FRMD6: variants seen among roughly 807,000 people sequenced by gnomAD.
FRMD6 encodes the protein FERM domain-containing protein 6.
Under a neutral mutation model 73.2 loss-of-function variants are expected in FRMD6, and 37 were observed. That is an observed-to-expected ratio of 0.51 (90% CI 0.39 to 0.66). The LOEUF (loss-of-function observed/expected upper bound fraction) is 0.66. Ranked by LOEUF, FRMD6 falls within the 30% of genes least tolerant of loss-of-function variation. FRMD6 has a pLI of 0.00. For synonymous variants in FRMD6, 273 were observed against 282.2 expected (o/e 0.97, Z 0.33); for missense variants, 714 against 780.5 (o/e 0.91, Z 1.02).
intron 1 of FRMD6, among the ~76,000 whole-genome samples, chr14:51,525,080 TAGATA>T (rs1449632901): frequency 0.054 from 2,444 of 44,904 alleles, 32 homozygotes; most frequent in South Asian, 0.12. Context: ...AATAGATAGA[TAGATA>T]GATAGATAGA....
At chr14:51,438,378 G>T in the FRMD6 span, among the ~76,000 whole-genome samples, 1 of 152,218 alleles carries the variant, frequency 6.6e-6, no homozygotes, top group East Asian at 1.9e-4. Flanking sequence ...AAGGAAAGAT[G>T]ATGCTCAGTT....
intron 1 of FRMD6, among the ~76,000 whole-genome samples, chr14:51,497,632 A>G (rs912605933): frequency 2.6e-5 from 4 of 152,252 alleles, no homozygotes; most frequent in African/African-American, 9.6e-5. Flanking sequence ...TATTAGATGC[A>G]GTGTATCTAA....
At chr14:51,667,196 G>T (rs966004185) in intron 1 of FRMD6, among the ~76,000 whole-genome samples, 4 of 152,062 alleles carry the variant, frequency 2.6e-5, no homozygotes, top group African/African-American at 9.7e-5. Flanking sequence ...TTTATTTTAT[G>T]AAACTATAAT....
intron 2 of FRMD6, among the ~76,000 whole-genome samples, chr14:51,625,528 C>T (rs1891083982): frequency 6.6e-6 from 1 of 151,828 alleles, no homozygotes; most frequent in Admixed American, 6.6e-5. Context: ...GGAAGCAGTA[C>T]CTGGATAACT....
chr14:51,663,462 G>A (rs1392661614), intron 1 of FRMD6, among the ~76,000 whole-genome samples: 3 of 152,246 alleles, frequency 2.0e-5, no homozygotes, highest in African/African-American at 7.2e-5. Flanking sequence ...TGTCCTTTGA[G>A]GTAACATGGA....
At chr14:51,664,485 T>A (rs929761706) in intron 1 of FRMD6, among the ~76,000 whole-genome samples, 1 of 152,250 alleles carries the variant, frequency 6.6e-6, no homozygotes, top group Non-Finnish European at 1.5e-5. Context: ...TGCTAACACA[T>A]AGGCCTTTAA....
Position 51,704,773 on chromosome 14 carries a change from T to A in FRMD6, c.396T>A (p.Tyr132Ter). 1 of 1,612,808 alleles carries A rather than the reference T, an allele frequency of 6.2e-7. No homozygotes were observed. The highest frequency in any genetic ancestry group is 8.5e-7 in the Non-Finnish European group (1 of 1,179,284). The stretch of plus-strand genomic sequence containing the variant: ...GTGACAGAGCAGCAAGATACTATTA[T>A]TACTGGCACCTGAGAAAACAAGTTC... ...LISDRAARYY[Y>*]YWHLRKQVLH... The change falls in exon 6 of 14, where the codon TAT becomes TAA. Residue 132 changes from tyrosine to a stop codon, truncating the protein, a stop_gained. Coordinates refer to ENST00000344768, the MANE Select transcript of FRMD6 (RefSeq NM_001267046.2). LOFTEE classifies it high-confidence loss of function.
chr14:51,420,285 G>A, the FRMD6 span, among the ~76,000 whole-genome samples: 1 of 152,184 alleles, frequency 6.6e-6, no homozygotes, highest in African/African-American at 2.4e-5. Context: ...ACTAATGCAA[G>A]ACGTGGTTAA....
upstream of FRMD6, among the ~76,000 whole-genome samples, chr14:51,486,831 A>C (rs1399887831): frequency 6.6e-6 from 1 of 152,226 alleles, no homozygotes; most frequent in Non-Finnish European, 1.5e-5. Context: ...TGCAGCCCTT[A>C]AAAAGAATGA....
At chr14:51,469,473 C>G in the FRMD6 span, among the ~76,000 whole-genome samples, 2 of 150,876 alleles carry the variant, frequency 1.3e-5, no homozygotes, top group Non-Finnish European at 3.0e-5. Flanking sequence ...CTTAGCCGAG[C>G]GTGGTGGCAG....
chr14:51,543,840 G>T (rs186100528), intron 1 of FRMD6, among the ~76,000 whole-genome samples: 1 of 152,016 alleles, frequency 6.6e-6, no homozygotes, highest in Admixed American at 6.6e-5. Context: ...CAATGTAAGC[G>T]TGGACCGAAC....
intron 1 of FRMD6, among the ~76,000 whole-genome samples, chr14:51,530,674 A>G (rs563894293): frequency 5.8e-4 from 88 of 150,826 alleles, no homozygotes; most frequent in Admixed American, 9.3e-4. Flanking sequence ...TTTAGTAGTC[A>G]TGGGGTCTCA....
Position 51,728,205 on chromosome 14 carries a change from C to A in FRMD6, c.*176C>A. 1 of 617,596 alleles carries A rather than the reference C, an allele frequency of 1.6e-6. No individual in the cohort carries two copies. The highest frequency in any genetic ancestry group is 2.7e-6 in the Non-Finnish European group (1 of 366,200). The allele number at this position is 617,596 out of a possible 1,614,324, so 38.3% of individuals were successfully genotyped here. On this transcript the variant is annotated 3_prime_UTR_variant, in exon 14 of 14. Coordinates refer to ENST00000344768, the MANE Select transcript of FRMD6 (RefSeq NM_001267046.2). The stretch of plus-strand genomic sequence containing the variant: ...TGGAACAATTGCACTTTAAGTATTA[C>A]ACAGAAGTAAAAGAACTACAGAAAA...
intron 1 of FRMD6, among the ~76,000 whole-genome samples, chr14:51,507,991 G>A (rs1035387499): frequency 2.6e-5 from 4 of 152,114 alleles, no homozygotes; most frequent in Non-Finnish European, 5.9e-5. Context: ...TTACCTGATT[G>A]TGGGAGCCCC....
upstream of FRMD6, among the ~76,000 whole-genome samples, chr14:51,646,976 A>C (rs1892104472): frequency 6.6e-6 from 1 of 151,904 alleles, no homozygotes; most frequent in South Asian, 2.1e-4. Context: ...GCCTTATCAA[A>C]CCTTTCTTAT....
At chr14:51,563,999 A>G (rs573015684) in intron 1 of FRMD6, among the ~76,000 whole-genome samples, 1 of 152,296 alleles carries the variant, frequency 6.6e-6, no homozygotes, top group East Asian at 1.9e-4. Context: ...CCATTTCTAA[A>G]GTTTTTATTA....
the FRMD6 span, among the ~76,000 whole-genome samples, chr14:51,438,493 C>T: frequency 6.6e-6 from 1 of 152,214 alleles, no homozygotes; most frequent in African/African-American, 2.4e-5. Context: ...CTATGACCTT[C>T]CAAGTTTGAC....
intron 1 of FRMD6, among the ~76,000 whole-genome samples, chr14:51,568,168 C>T (rs1406669114): frequency 6.6e-6 from 1 of 152,206 alleles, no homozygotes; most frequent in African/African-American, 2.4e-5. Flanking sequence ...TATTTAGTCC[C>T]ATGGAGGTGA....
intron 3 of FRMD6, among the ~76,000 whole-genome samples, chr14:51,700,734 A>G (rs1896256816): frequency 6.6e-6 from 1 of 152,020 alleles, no homozygotes; most frequent in South Asian, 2.1e-4. Flanking sequence ...TAACACCCAC[A>G]GTGTTAGAAG....
Sources: allele counts gnomAD v4.1 joint callset (sites outside exome capture counted in the v4.1 genomes callset), GRCh38; gene constraint gnomAD v4.1.1; transcripts MANE v1.5; gene names NCBI Gene and HGNC (gene_info 2026-07-23, HGNC 2026-07-21).